The following EP400 variants were observed in gnomAD, a reference collection of about 807,000 sequenced individuals.
EP400 encodes the protein E1A binding protein p400.
In EP400, 105 loss-of-function variants were observed where a neutral mutation model predicts 354.1. The ratio of observed to expected loss-of-function variants is 0.30; its 90% confidence interval spans 0.25 to 0.35. EP400 has a LOEUF of 0.35. Among genes scored for constraint, EP400 ranks in the 10% least tolerant of loss-of-function variants. The pLI is 1.00. For synonymous variants in EP400, 1,646 were observed against 1,716.9 expected, an observed-to-expected ratio of 0.96 and a Z score of 1.02; for missense variants, 3,280 against 4,121.0, an observed-to-expected ratio of 0.80 and a Z score of 5.59.
intron 1 of EP400, among the ~76,000 whole-genome samples, chr12:131,952,324 A>G (rs1201920764): frequency 3.5e-4 from 50 of 144,796 alleles, no homozygotes; most frequent in South Asian, 1.1e-3. Context: ...AAAAAAAAAA[A>G]AGAAAAAGAA....
At position 132,043,378 on chromosome 12, in the gene EP400, T is replaced by C; in HGVS notation, c.6282T>C (p.Thr2094=). 2 of 1,614,010 alleles carry C rather than the reference T, an allele frequency of 1.2e-6. No individual in the cohort carries two copies. The highest frequency in any genetic ancestry group is 1.7e-6 in the Non-Finnish European group (2 of 1,180,032). ...AGGAGGGGGTGCTGGGACCACACAC[T>C]GATGCTCTGTCATCAGACTCTGAGA... ...SAQEGVLGPH[T]DALSSDSENM... Residue 2094 remains threonine, a synonymous_variant, in exon 33 of 53, where the codon ACT becomes ACC. Coordinates refer to ENST00000389561, the MANE Select transcript of EP400 (RefSeq NM_015409.5).
chr12:132,004,517 ATCT>A (rs1170811141), intron 12 of EP400, among the ~76,000 whole-genome samples: 3 of 152,054 alleles, frequency 2.0e-5, no homozygotes, highest in Non-Finnish European at 2.9e-5. Context: ...TTTATATATC[ATCT>A]TCATCAGTTA....
chr12:132,001,357 G>A (rs1893408236), intron 12 of EP400, among the ~76,000 whole-genome samples: 1 of 152,218 alleles, frequency 6.6e-6, no homozygotes, highest in Non-Finnish European at 1.5e-5. Flanking sequence ...CAGAGAGAGA[G>A]AGACAGCTTA....
At chr12:132,040,101 G>A (rs989110324) in intron 32 of EP400, among the ~76,000 whole-genome samples, 5 of 152,206 alleles carry the variant, frequency 3.3e-5, no homozygotes, top group African/African-American at 9.7e-5. Flanking sequence ...GTAAGTGGCC[G>A]ATGTGTAGAC....
rs1593323360 is a variant in EP400 at position 131,981,371 on chromosome 12, A to T, written c.1436-118A>T. Reference sequence around the variant, plus strand: ...TTATGTTTTATGGCTTCTGGATTTTAGTTCATGTATAGAAAGGCCTCCCTT... The same window carrying T: ...TTATGTTTTATGGCTTCTGGATTTTTGTTCATGTATAGAAAGGCCTCCCTT... On this transcript the variant is annotated intron_variant, in intron 3 of 52. Transcript: ENST00000389561. 60 of 700,750 alleles carry T rather than the reference A, an allele frequency of 8.6e-5. No homozygotes were observed. 43.4% of individuals were successfully genotyped at this position (700,750 alleles called of 1,614,324 possible).
chr12:132,032,179 G>A, intron 30 of EP400, 30 bp downstream of exon 30: 2 of 1,593,588 alleles, frequency 1.3e-6, no homozygotes, highest in Non-Finnish European at 8.6e-7. Flanking sequence ...AGGATCAGGA[G>A]ATGCAAAGAC....
At chr12:132,005,349 G>T (rs1471736593) in intron 13 of EP400, among the ~76,000 whole-genome samples, 165 bp downstream of exon 13, 2 of 152,106 alleles carry the variant, frequency 1.3e-5, no homozygotes, top group African/African-American at 4.8e-5. Context: ...TAAATTCCGT[G>T]CTTTTAATTT....
In EP400 at chr12:132,002,773, G is replaced by A. The variant is rs534288584; in HGVS notation, c.2828-2304G>A. On this transcript the variant is annotated intron_variant, in intron 12 of 52. Transcript: ENST00000389561. The stretch of plus-strand genomic sequence containing the variant: ...GTCACACCGGTCAGGCCAGGTCAGT[G>A]TGGGAGAGACCAGGAGTGAACACCA... 6.6e-5 allele frequency among the ~76,000 whole-genome samples: 10 copies of A among 152,340 alleles called. No homozygotes were observed. In the East Asian group the frequency reaches 1.2e-3, roughly 18 times the overall value.
chr12:132,005,198 C>T lies in EP400; in HGVS notation c.2935+14C>T, dbSNP rs1486118742. 6.5e-7 allele frequency: 1 copy of T among 1,543,918 alleles called. No homozygotes were observed. The highest frequency in any genetic ancestry group is 1.2e-5 in the South Asian group (1 of 83,488). ...GCGGAGAGGAAGGTGCGCTCCCAGC[C>T]TTTGGAAGAATTCAGGGTTAAAAGC... On this transcript the variant is annotated intron_variant, in intron 13 of 52. Transcript: ENST00000389561.
chr12:131,968,256 G>A (rs1239332858), intron 2 of EP400, among the ~76,000 whole-genome samples: 2 of 152,026 alleles, frequency 1.3e-5, no homozygotes, highest in African/African-American at 4.8e-5. Flanking sequence ...TTTATTTTGC[G>A]TAAAATTTTG....
chr12:132,003,440 G>C (rs1415446651), intron 12 of EP400, among the ~76,000 whole-genome samples: 1 of 152,146 alleles, frequency 6.6e-6, no homozygotes, highest in Non-Finnish European at 1.5e-5. Context: ...GGTATCGAAA[G>C]GGGCCTTGGA....
Position 132,069,509 on chromosome 12 carries a change from G to T in EP400, c.8889G>T (p.Gln2963His), listed in dbSNP as rs759121014. The T allele has an allele frequency of 1.2e-6, 2 of 1,614,170 alleles. No individual in the cohort carries two copies. The highest frequency in any genetic ancestry group is 1.1e-5 in the South Asian group (1 of 91,082). The change falls in exon 51 of 53, where the codon CAG becomes CAT. Residue 2963 changes from glutamine to histidine, a missense_variant. Gln to His is a conservative substitution (Grantham distance 24). Around this residue, in one of 20 missense-constraint regions of EP400, gnomAD observed 279 missense variants for 386.7 expected, o/e 0.72. Transcript: ENST00000389561. ...AAVQQKITAQQITTPGAQQKV... is the reference protein window; with the variant it reads ...AAVQQKITAQHITTPGAQQKV... Reference sequence around the variant, plus strand: ...TCTCTCCCCAGATCACCGCACAGCAGATCACCACCCCTGGCGCGCAGCAGA... The same window carrying T: ...TCTCTCCCCAGATCACCGCACAGCATATCACCACCCCTGGCGCGCAGCAGA...
chr12:131,966,937 T>C (rs12424440), intron 2 of EP400, among the ~76,000 whole-genome samples: 17,724 of 143,608 alleles, frequency 0.12, 1,475 homozygotes, highest in African/African-American at 0.24. Flanking sequence ...CTATGTGTAG[T>C]GATACACACC....
intron 2 of EP400, among the ~76,000 whole-genome samples, chr12:131,976,829 T>C (rs1040165868): frequency 6.6e-6 from 1 of 152,218 alleles, no homozygotes; most frequent in African/African-American, 2.4e-5. Flanking sequence ...GGATTCTGTT[T>C]TTGTGTACAT....
Position 132,050,304 on chromosome 12 carries a change from C to A in EP400, c.7201-19C>A. On this transcript the variant is annotated intron_variant, in intron 39 of 52. Transcript: ENST00000389561. This position sits in a 1 kb window ranked among gnomAD's most constrained non-coding sequence, Gnocchi z 4.8. The stretch of plus-strand genomic sequence containing the variant: ...CCATGCTGCCTAATTCAGATGCACT[C>A]TCGTCAATTTCATTGCAGAGTAAAA... The A allele has an allele frequency of 6.2e-7, 1 of 1,613,780 alleles. No individual in the cohort carries two copies. Among genetic ancestry groups the A allele is most frequent in the Non-Finnish European group, 8.5e-7 (1 of 1,179,862 alleles).
At chr12:131,967,562 C>T (rs1172990464) in intron 2 of EP400, among the ~76,000 whole-genome samples, 1 of 151,694 alleles carries the variant, frequency 6.6e-6, no homozygotes, top group Non-Finnish European at 1.5e-5. Context: ...TAGTGGCGTG[C>T]CGCTGTAGTC....
At chr12:131,992,476 A>C (rs937277633) in intron 11 of EP400, among the ~76,000 whole-genome samples, 4 of 151,892 alleles carry the variant, frequency 2.6e-5, no homozygotes, top group African/African-American at 9.7e-5. Flanking sequence ...CATCTTGGAG[A>C]GTGTTGGGGC....
rs780840374 is a variant in EP400 at position 132,018,293 on chromosome 12, G to A, written c.4194G>A (p.Lys1398=). Residue 1398 remains lysine (K), a synonymous_variant, in exon 21 of 53, where the codon AAG becomes AAA. Transcript: ENST00000389561. The surrounding 1 kb of genome is among the most constrained non-coding windows in gnomAD (Gnocchi z 4.0). ...AGGCAGAGTTGCTGTCTAAGAAAAA[G>A]ATACCGCGGAAACTCATGGAGGAAA... ...RHEAELLSKK[K]IPRKLMEEIS... The A allele has an allele frequency of 1.9e-6, 3 of 1,613,568 alleles. No individual in the cohort carries two copies. The African/African-American group carries it at 4.0e-5, about 22-fold the overall frequency.
At position 132,079,555 on chromosome 12, in the gene EP400, G is replaced by A. The variant is rs968677009; in HGVS notation, c.*1882G>A. 8 of 152,342 alleles carry A rather than the reference G, an allele frequency of 5.3e-5. No homozygotes were observed. The South Asian group carries it at 1.5e-3, about 28-fold the overall frequency. The allele number at this position is 152,342 out of a possible 1,614,324, so 9.4% of individuals were successfully genotyped here. On this transcript the variant is annotated 3_prime_UTR_variant, in exon 53 of 53. Transcript: ENST00000389561. ...TTTTTTTTGTCTTTCCCAAATCTTG[G>A]TAGTCTCCTTATAGTTGAAGATAAA...
Sources: allele counts gnomAD v4.1 joint callset (sites outside exome capture counted in the v4.1 genomes callset), GRCh38; gene constraint gnomAD v4.1.1; regional missense constraint gnomAD v4.1.1; non-coding constraint Gnocchi (gnomAD v3.1); transcripts MANE v1.5; gene names NCBI Gene and HGNC (gene_info 2026-07-23, HGNC 2026-07-21).